The following KIRREL3 variants were observed in gnomAD, a reference collection of about 807,000 sequenced individuals.
KIRREL3 encodes kirre like nephrin family adhesion molecule 3, also known as kin of IRRE-like protein 3.
KIRREL3 carries 36 observed loss-of-function variants against 89.7 expected under a neutral mutation model. The ratio of observed to expected loss-of-function variants is 0.40; its 90% CI spans 0.31 to 0.53. The LOEUF (loss-of-function observed/expected upper bound fraction) is 0.53, where lower values mean the gene tolerates loss of function less well. Ranked by LOEUF, KIRREL3 falls within the 20% of genes least tolerant of loss-of-function variation. KIRREL3 has a pLI of 0.49. For synonymous variants in KIRREL3, 445 were observed against 441.4 expected, an observed-to-expected ratio of 1.01 and a Z score of -0.10; for missense variants, 864 against 1,056.6, an observed-to-expected ratio of 0.82 and a Z score of 2.53.
chr11:126,954,760 A>C lies in KIRREL3; in HGVS notation c.55+45695T>G, dbSNP rs1416745698. On this transcript the variant is annotated intron_variant, in intron 1 of 16. Transcript: ENST00000525144. This position sits in a 1 kb window ranked among gnomAD's most constrained non-coding sequence, Gnocchi z 4.1. Reference sequence around the variant, plus strand: ...ACCGTGGTAGGCTTCATCCCTGTAGATGGCCTGGCTTACCCTTGAACAACT... The same window carrying C: ...ACCGTGGTAGGCTTCATCCCTGTAGCTGGCCTGGCTTACCCTTGAACAACT... Among the ~76,000 whole-genome samples, 2 of 152,194 alleles carry C rather than the reference A, an allele frequency of 1.3e-5. No homozygotes were observed. The highest frequency in any genetic ancestry group is 4.8e-5 in the African/African-American group (2 of 41,446).
rs544260136 is a variant in KIRREL3 at position 126,817,655 on chromosome 11, G to A, written c.55+182800C>T. On this transcript the variant is annotated intron_variant, in intron 1 of 16. Coordinates refer to ENST00000525144, the MANE Select transcript of KIRREL3 (RefSeq NM_032531.4). This position sits in a 1 kb window ranked among gnomAD's most constrained non-coding sequence, Gnocchi z 5.7. ...CACTTGTAAAATGACATGCAGAAGAGCAATGAGACCAATGCCAGATCCCAG... is the reference window on the plus strand; with the variant it reads ...CACTTGTAAAATGACATGCAGAAGAACAATGAGACCAATGCCAGATCCCAG... 1.3e-5 allele frequency among the ~76,000 whole-genome samples: 2 copies of A among 152,322 alleles called. No individual in the cohort carries two copies. Among genetic ancestry groups the A allele is most frequent in the South Asian group, 2.1e-4 (1 of 4,828 alleles).
chr11:126,812,048 C>T lies in KIRREL3; in HGVS notation c.55+188407G>A, dbSNP rs10790836. Among the ~76,000 whole-genome samples, 42,970 of 152,010 alleles carry T rather than the reference C, an allele frequency of 0.28. 6,409 individuals carry two copies. The highest frequency in any genetic ancestry group is 0.46 in the East Asian group (2,380 of 5,168). On this transcript the variant is annotated intron_variant, in intron 1 of 16. Transcript: ENST00000525144. The surrounding 1 kb of genome is among the most constrained non-coding windows in gnomAD (Gnocchi z 5.2). ...AATATGAGCAGGTTAAGGCACTTTT[C>T]GGGATTAGAGAATCTTCAAACTCAA...
chr11:126,857,121 T>G (rs1240870723), intron 1 of KIRREL3, among the ~76,000 whole-genome samples: 1 of 152,192 alleles, frequency 6.6e-6, no homozygotes, highest in Non-Finnish European at 1.5e-5. Flanking sequence ...GGTAGACATA[T>G]TGCCTCCTCC....
rs56695003 is a variant in KIRREL3 at position 126,999,149 on chromosome 11, A to AGTGTGTGTGTGTGT, written c.55+1292_55+1305dup. Among the ~76,000 whole-genome samples, 1 of 141,254 alleles carries AGTGTGTGTGTGTGT rather than the reference A, an allele frequency of 7.1e-6. No individual in the cohort carries two copies. The highest frequency in any genetic ancestry group is 2.5e-5 in the African/African-American group (1 of 39,506). The allele number at this position is 141,254 out of a possible 152,430, so 92.7% of individuals were successfully genotyped here. A position where few individuals can be genotyped will look rare whatever the true frequency, so the allele number is the denominator to read the frequency against. ...AAGCACACAACCATATGAATACATGAGTGTGTGTGTGTGTGTGTGTGTACA... is the reference window on the plus strand; with the variant it reads ...AAGCACACAACCATATGAATACATGAGTGTGTGTGTGTGTGTGTGTGTGTGTGTGTGTGTGTACA... On this transcript the variant is annotated intron_variant, in intron 1 of 16. Coordinates refer to ENST00000525144, the MANE Select transcript of KIRREL3 (RefSeq NM_032531.4). The surrounding 1 kb of genome is among the most constrained non-coding windows in gnomAD (Gnocchi z 5.7).
Position 126,655,409 on chromosome 11 carries a change from G to T in KIRREL3, c.56-92497C>A, listed in dbSNP as rs978282447. On this transcript the variant is annotated intron_variant, in intron 1 of 16. Coordinates refer to ENST00000525144, the MANE Select transcript of KIRREL3 (RefSeq NM_032531.4). This position sits in a 1 kb window ranked among gnomAD's most constrained non-coding sequence, Gnocchi z 5.0. ...CTCTGCTCTGACAAATGCCTCCTTTGTCTCCCTGAAAAGCCTGCCTCTTTT... is the reference window on the plus strand; with the variant it reads ...CTCTGCTCTGACAAATGCCTCCTTTTTCTCCCTGAAAAGCCTGCCTCTTTT... Among the ~76,000 whole-genome samples, 1 of 152,070 alleles carries T rather than the reference G, an allele frequency of 6.6e-6. No homozygotes were observed. Among genetic ancestry groups the T allele is most frequent in the Non-Finnish European group, 1.5e-5 (1 of 68,022 alleles).
In KIRREL3 at chr11:126,473,295, C is replaced by T; in HGVS notation, c.591+14G>A. ...AAGCCCGTCCACACCCACCCCCTCCCCTCCAGGCCTCACCTTGGAGTAGGT... is the reference window on the plus strand; with the variant it reads ...AAGCCCGTCCACACCCACCCCCTCCTCTCCAGGCCTCACCTTGGAGTAGGT... On this transcript the variant is annotated intron_variant, in intron 5 of 16. Coordinates refer to ENST00000525144, the MANE Select transcript of KIRREL3 (RefSeq NM_032531.4). 7.4e-7 allele frequency: 1 copy of T among 1,358,248 alleles called. No homozygotes were observed. Among genetic ancestry groups the T allele is most frequent in the Non-Finnish European group, 9.8e-7 (1 of 1,022,678 alleles). 84.1% of individuals were successfully genotyped at this position (1,358,248 alleles called of 1,614,324 possible).
chr11:126,958,757 A>G (rs1473973635), intron 1 of KIRREL3, among the ~76,000 whole-genome samples: 1 of 152,182 alleles, frequency 6.6e-6, no homozygotes. Context: ...GATATTTCCT[A>G]TAAATTAGAG....
intron 1 of KIRREL3, among the ~76,000 whole-genome samples, chr11:126,581,114 G>A (rs1291973294): frequency 2.6e-5 from 4 of 152,044 alleles, no homozygotes; most frequent in Non-Finnish European, 5.9e-5. Context: ...TAAAATCAGT[G>A]CCCCAGAAGC....
At position 126,699,809 on chromosome 11, in the gene KIRREL3, C is replaced by T. The variant is rs187626116; in HGVS notation, c.56-136897G>A. Reference sequence around the variant, plus strand: ...CATTATTATTATTATAGTTTAGGCCCGCGAAGTAATTCGCTAAACACTTTC... The same window carrying T: ...CATTATTATTATTATAGTTTAGGCCTGCGAAGTAATTCGCTAAACACTTTC... On this transcript the variant is annotated intron_variant, in intron 1 of 16. Transcript: ENST00000525144. Among the ~76,000 whole-genome samples, 228 of 152,154 alleles carry T rather than the reference C, an allele frequency of 1.5e-3. 1 individual carries two copies. The highest frequency in any genetic ancestry group is 9.7e-3 in the South Asian group (47 of 4,824).
Position 126,568,434 on chromosome 11 carries a change from A to G in KIRREL3, c.56-5522T>C, listed in dbSNP as rs1346701416. Among the ~76,000 whole-genome samples the G allele has an allele frequency of 2.6e-5, 4 of 152,178 alleles. No individual in the cohort carries two copies. The highest frequency in any genetic ancestry group is 4.4e-5 in the Non-Finnish European group (3 of 68,040). ...ATCAGAAAGCAAGGGAAGGACCCTC[A>G]GTTTTATCCTGACATTCATCCCTGC... On this transcript the variant is annotated intron_variant, in intron 1 of 16. Coordinates refer to ENST00000525144, the MANE Select transcript of KIRREL3 (RefSeq NM_032531.4). The surrounding 1 kb of genome is among the most constrained non-coding windows in gnomAD (Gnocchi z 4.6).
rs968750081 is a variant in KIRREL3 at position 126,527,289 on chromosome 11, T to C, written c.134-602A>G. On this transcript the variant is annotated intron_variant, in intron 2 of 16. Transcript: ENST00000525144. This position sits in a 1 kb window ranked among gnomAD's most constrained non-coding sequence, Gnocchi z 4.2. Reference sequence around the variant, plus strand: ...GCGTGCCATCCTACCGTGTCCTCCCTGTCCCTTTCTTTTCTGCAGCAGACC... The same window carrying C: ...GCGTGCCATCCTACCGTGTCCTCCCCGTCCCTTTCTTTTCTGCAGCAGACC... 6.6e-5 allele frequency among the ~76,000 whole-genome samples: 10 copies of C among 152,066 alleles called. No homozygotes were observed. Among genetic ancestry groups the C allele is most frequent in the Non-Finnish European group, 1.2e-4 (8 of 68,014 alleles).
At chr11:126,712,255 A>G (rs1212990049) in intron 1 of KIRREL3, among the ~76,000 whole-genome samples, 1 of 120,426 alleles carries the variant, frequency 8.3e-6, no homozygotes, top group African/African-American at 3.3e-5. Flanking sequence ...TGTGCTCCAG[A>G]TAAGGGCGAG....
At chr11:126,775,589 A>G (rs78170314) in intron 1 of KIRREL3, among the ~76,000 whole-genome samples, 4,744 of 152,000 alleles carry the variant, frequency 0.031, 238 homozygotes, top group African/African-American at 0.1. Context: ...GGCCTGCCTG[A>G]CTCACTCGCT....
intron 4 of KIRREL3, among the ~76,000 whole-genome samples, chr11:126,517,289 A>C (rs560905531): frequency 2.6e-5 from 4 of 152,316 alleles, no homozygotes; most frequent in Admixed American, 1.3e-4. Context: ...TAGAGGCTTG[A>C]GCCAAAGAGG....
rs1331195590 is a variant in KIRREL3 at position 126,943,080 on chromosome 11, A to G, written c.55+57375T>C. On this transcript the variant is annotated intron_variant, in intron 1 of 16. Transcript: ENST00000525144. The surrounding 1 kb of genome is among the most constrained non-coding windows in gnomAD (Gnocchi z 4.2). ...ACTGCAGACAAAGTCTCTTGGGACA[A>G]GCCTCTGCTTCAGTGCTCTTGATTG... 1.3e-5 allele frequency among the ~76,000 whole-genome samples: 2 copies of G among 152,338 alleles called. No individual in the cohort carries two copies. Among genetic ancestry groups the G allele is most frequent in the East Asian group, 3.9e-4 (2 of 5,186 alleles).
In KIRREL3 at chr11:126,476,537, T is replaced by C. The variant is rs1411307570; in HGVS notation, c.434-3071A>G. 1.3e-5 allele frequency among the ~76,000 whole-genome samples: 2 copies of C among 152,182 alleles called. No individual in the cohort carries two copies. The highest frequency in any genetic ancestry group is 2.9e-5 in the Non-Finnish European group (2 of 68,042). On this transcript the variant is annotated intron_variant, in intron 4 of 16. Transcript: ENST00000525144. The surrounding 1 kb of genome is among the most constrained non-coding windows in gnomAD (Gnocchi z 6.4). ...TCAGGCACACGCACAGCCACGCACATACATCCACCCTCAGAATGGGGCCTG... is the reference window on the plus strand; with the variant it reads ...TCAGGCACACGCACAGCCACGCACACACATCCACCCTCAGAATGGGGCCTG...
At position 126,943,481 on chromosome 11, in the gene KIRREL3, A is replaced by G. The variant is rs922503965; in HGVS notation, c.55+56974T>C. 1.3e-5 allele frequency among the ~76,000 whole-genome samples: 2 copies of G among 152,226 alleles called. No individual in the cohort carries two copies. Among genetic ancestry groups the G allele is most frequent in the African/African-American group, 2.4e-5 (1 of 41,460 alleles). On this transcript the variant is annotated intron_variant, in intron 1 of 16. Transcript: ENST00000525144. The surrounding 1 kb of genome is among the most constrained non-coding windows in gnomAD (Gnocchi z 4.2). The stretch of plus-strand genomic sequence containing the variant: ...TTGCCTAGATGTGATGGCTTTGCCC[A>G]TTAGGAGTGTACAAGCATATTTACA...
intron 1 of KIRREL3, among the ~76,000 whole-genome samples, chr11:126,789,209 CTTCT>C (rs1288384061): frequency 1.3e-5 from 2 of 152,110 alleles, no homozygotes; most frequent in Admixed American, 6.5e-5. Flanking sequence ...TTCATCTTTT[CTTCT>C]TTCTTTCTCC....
At chr11:126,448,486 C>T (rs552058730) in intron 8 of KIRREL3, among the ~76,000 whole-genome samples, 64 of 152,210 alleles carry the variant, frequency 4.2e-4, no homozygotes, top group African/African-American at 1.4e-3. Context: ...TGATGGCCTG[C>T]GTGCTTGTGT....
Sources: gnomAD v4.1 joint callset for allele counts (sites outside exome capture counted in the v4.1 genomes callset) on GRCh38, gnomAD v4.1.1 for gene constraint, Gnocchi (gnomAD v3.1) non-coding constraint, MANE v1.5 for transcripts, NCBI Gene and HGNC (gene_info 2026-07-23, HGNC 2026-07-21) for gene names.